Variants in KAZN observed in about 807,000 individuals in gnomAD.
The protein encoded by KAZN is kazrin.
Under a neutral mutation model 87.4 loss-of-function variants are expected in KAZN, and 40 were observed. The observed-to-expected ratio is 0.46, with a 90% CI of 0.36 to 0.60. KAZN has a LOEUF of 0.60. Among genes scored for constraint, KAZN ranks in the 20% least tolerant of loss-of-function variants. KAZN has a pLI of 0.00. For synonymous variants in KAZN, 466 were observed against 458.3 expected, an observed-to-expected ratio of 1.02 and a Z score of -0.22; for missense variants, 898 against 1,073.9, an observed-to-expected ratio of 0.84 and a Z score of 2.29.
At chr1:15,023,517 G>A (rs186466883) in intron 2 of KAZN, among the ~76,000 whole-genome samples, 106 of 152,218 alleles carry the variant, frequency 7.0e-4, no homozygotes, top group Non-Finnish European at 1.3e-3. Context: ...CAGGAGGCCA[G>A]GGCAGCTTCC....
chr1:14,630,742 C>T (rs143196653), intron 1 of KAZN, among the ~76,000 whole-genome samples: 1 of 152,268 alleles, frequency 6.6e-6, no homozygotes, highest in East Asian at 1.9e-4. Flanking sequence ...GCAGAGAAGT[C>T]ATGAACTCTG....
intron 1 of KAZN, among the ~76,000 whole-genome samples, chr1:14,030,969 GAATT>G: frequency 6.6e-6 from 1 of 152,176 alleles, no homozygotes; most frequent in Non-Finnish European, 1.5e-5. Context: ...TTAAGGTCAT[GAATT>G]TCTTTATGTC....
chr1:14,985,007 T>A (rs988223341), intron 2 of KAZN, among the ~76,000 whole-genome samples: 1 of 151,750 alleles, frequency 6.6e-6, no homozygotes, highest in Non-Finnish European at 1.5e-5. Flanking sequence ...GTGGTGGTGC[T>A]CACCTGTAGT....
intron 1 of KAZN, among the ~76,000 whole-genome samples, chr1:14,874,469 A>G (rs144976359): frequency 1.5e-5 from 2 of 129,068 alleles, no homozygotes; most frequent in Non-Finnish European, 1.7e-5. Context: ...TAGCTGGCTG[A>G]CTGGATGGAT....
intron 1 of KAZN, among the ~76,000 whole-genome samples, chr1:13,984,221 A>C (rs898195396): frequency 6.6e-6 from 1 of 152,076 alleles, no homozygotes; most frequent in African/African-American, 2.4e-5. Flanking sequence ...TGTGTTAGCC[A>C]GGATGGTCTT....
chr1:14,278,141 G>A (rs1386509502), intron 2 of KAZN, among the ~76,000 whole-genome samples: 2 of 133,986 alleles, frequency 1.5e-5, no homozygotes, highest in African/African-American at 6.0e-5. Flanking sequence ...CTGCACTCCA[G>A]CCTGGGCAAC....
intron 1 of KAZN, among the ~76,000 whole-genome samples, chr1:13,907,019 G>A (rs559528569): frequency 6.6e-6 from 1 of 152,336 alleles, no homozygotes; most frequent in South Asian, 2.1e-4. Context: ...GCGTGGAGTG[G>A]TTATGGTGGG....
At chr1:14,605,563 A>G (rs1433825504) in intron 1 of KAZN, among the ~76,000 whole-genome samples, 1 of 152,254 alleles carries the variant, frequency 6.6e-6, no homozygotes, top group East Asian at 1.9e-4. Flanking sequence ...AGAGAAATCA[A>G]GTAAGCTAGA....
chr1:14,742,123 C>A (rs1458992758), intron 1 of KAZN, among the ~76,000 whole-genome samples: 1 of 152,202 alleles, frequency 6.6e-6, no homozygotes, highest in Non-Finnish European at 1.5e-5. Context: ...ATGAACAGAA[C>A]AAACGAAAGG....
intron 1 of KAZN, among the ~76,000 whole-genome samples, chr1:14,700,964 C>T (rs1641888435): frequency 6.6e-6 from 1 of 152,138 alleles, no homozygotes. Context: ...TTCAGAGGAG[C>T]AATGTGAGTG....
chr1:14,801,912 C>T (rs1163985782), intron 1 of KAZN, among the ~76,000 whole-genome samples: 1 of 151,986 alleles, frequency 6.6e-6, no homozygotes, highest in East Asian at 2.0e-4. Flanking sequence ...TGTCTATCTC[C>T]TGACCTCGTA....
At chr1:14,977,878 C>T in intron 2 of KAZN, among the ~76,000 whole-genome samples, 2 of 145,442 alleles carry the variant, frequency 1.4e-5, no homozygotes, top group African/African-American at 5.2e-5. Context: ...CTGTGGGGTG[C>T]ACGTCTTTTT....
chr1:14,604,482 G>A (rs6700795), intron 1 of KAZN, among the ~76,000 whole-genome samples: 4 of 152,134 alleles, frequency 2.6e-5, no homozygotes, highest in Non-Finnish European at 5.9e-5. Context: ...CTTCCTCCCC[G>A]TGTGGTTGCA....
intron 2 of KAZN, among the ~76,000 whole-genome samples, chr1:14,504,416 T>C (rs192122429): frequency 6.6e-6 from 1 of 152,356 alleles, no homozygotes; most frequent in Admixed American, 6.5e-5. Context: ...TGAGGATTAA[T>C]GAAATGCCAG....
At chr1:14,465,124 G>A (rs1668048478) in intron 2 of KAZN, among the ~76,000 whole-genome samples, 1 of 152,000 alleles carries the variant, frequency 6.6e-6, no homozygotes, top group South Asian at 2.1e-4. Flanking sequence ...ACCCAGCCAG[G>A]TGTGGTGGCT....
chr1:14,401,103 G>T (rs1341071977), intron 2 of KAZN, among the ~76,000 whole-genome samples: 3 of 152,142 alleles, frequency 2.0e-5, no homozygotes, highest in Non-Finnish European at 4.4e-5. Flanking sequence ...TTTCAAAGGG[G>T]ATAAGAAGGG....
At position 14,071,959 on chromosome 1, in the gene KAZN, T is replaced by C. The variant is rs187743905; in HGVS notation, c.92-108476T>C. ...TTTCTGTTTTATCTCATCAGTCATGTTTGTAGTATCTGGTGGCTCTTTGTT... is the reference window on the plus strand; with the variant it reads ...TTTCTGTTTTATCTCATCAGTCATGCTTGTAGTATCTGGTGGCTCTTTGTT... On this transcript the variant is annotated intron_variant, in intron 1 of 16. Transcript: ENST00000636203. 1.7e-3 allele frequency among the ~76,000 whole-genome samples: 256 copies of C among 152,322 alleles called. 1 individual carries two copies. In the Middle Eastern group the frequency reaches 0.02, roughly 12 times the overall value.
chr1:14,943,792 C>T (rs150056934), intron 1 of KAZN, among the ~76,000 whole-genome samples: 7 of 151,902 alleles, frequency 4.6e-5, no homozygotes, highest in Admixed American at 1.3e-4. Flanking sequence ...AAAAGTTGAG[C>T]CGGGCACAGT....
At chr1:14,963,864 GAGTGAGA>G (rs1422359656) in intron 2 of KAZN, among the ~76,000 whole-genome samples, 1 of 151,990 alleles carries the variant, frequency 6.6e-6, no homozygotes, top group African/African-American at 2.4e-5. Flanking sequence ...TCCCACTTAT[GAGTGAGA>G]ACGTGTGGTG....
Sources: allele counts gnomAD v4.1 joint callset (sites outside exome capture counted in the v4.1 genomes callset), GRCh38; gene constraint gnomAD v4.1.1; transcripts MANE v1.5; gene names NCBI Gene and HGNC (gene_info 2026-07-23, HGNC 2026-07-21).